NOM1: variants seen among roughly 807,000 people sequenced by gnomAD.
NOM1 encodes nucleolar MIF4G domain-containing protein 1.
NOM1 carries 58 observed loss-of-function variants against 73.3 expected under a neutral mutation model. The observed-to-expected ratio is 0.79, with a 90% CI of 0.64 to 0.99. The LOEUF (loss-of-function observed/expected upper bound fraction) is 0.99, where lower values mean the gene tolerates loss of function less well. Ranked by LOEUF, NOM1 falls within the 50% of genes least tolerant of loss-of-function variation. The pLI is 0.00. For missense variants in NOM1, 1,226 were observed against 1,131.9 expected, an observed-to-expected ratio of 1.08 and a Z score of -1.19; for synonymous variants, 487 against 446.8, an observed-to-expected ratio of 1.09 and a Z score of -1.14.
intron 7 of NOM1, among the ~76,000 whole-genome samples, chr7:156,965,146 T>C (rs900814783): frequency 1.5e-4 from 23 of 152,392 alleles, no homozygotes; most frequent in African/African-American, 5.3e-4. Flanking sequence ...TACGTGGGGC[T>C]GTGCTGTTTG....
intron 3 of NOM1, among the ~76,000 whole-genome samples, chr7:156,955,030 G>C (rs1328813929): frequency 6.6e-6 from 1 of 152,216 alleles, no homozygotes; most frequent in Non-Finnish European, 1.5e-5. Context: ...GGGAGACCTG[G>C]TGCCCTTTCT....
rs1334318300 is a variant in NOM1 at position 156,972,703 on chromosome 7, A to T, written c.*3000A>T. 2 of 152,206 alleles carry T rather than the reference A, an allele frequency of 1.3e-5. No individual in the cohort carries two copies. Among genetic ancestry groups the T allele is most frequent in the Non-Finnish European group, 2.9e-5 (2 of 68,062 alleles). The allele number at this position is 152,206 out of a possible 1,614,324, so 9.4% of individuals were successfully genotyped here. On this transcript the variant is annotated 3_prime_UTR_variant, in exon 11 of 11. Coordinates refer to ENST00000275820, the MANE Select transcript of NOM1 (RefSeq NM_138400.2). The stretch of plus-strand genomic sequence containing the variant: ...AAATTAGCTGGGCATGGTGGCAGGC[A>T]CCTGTAATCCCAGCTACTCGGGAGG...
chr7:156,950,366 G>T lies in NOM1; in HGVS notation c.629G>T (p.Ser210Ile). ...KKDGSSSVPLSFARDGLDYIL... is the reference protein window; with the variant it reads ...KKDGSSSVPLIFARDGLDYIL... The stretch of plus-strand genomic sequence containing the variant: ...GACGGCAGCAGCTCCGTGCCGCTGA[G>T]CTTTGCACGCGACGGTCTTGACTAT... The change falls in exon 1 of 11, where the codon AGC becomes ATC. Residue 210 changes from serine to isoleucine, a missense_variant. By Grantham distance (142) the Ser-to-Ile change is moderately radical (BLOSUM62 -2). Transcript: ENST00000275820. 1.2e-6 allele frequency: 2 copies of T among 1,614,248 alleles called. No individual in the cohort carries two copies. Among genetic ancestry groups the T allele is most frequent in the Non-Finnish European group, 1.7e-6 (2 of 1,180,044 alleles).
intron 9 of NOM1, among the ~76,000 whole-genome samples, chr7:156,967,909 C>CA (rs34244970): frequency 2.4e-3 from 355 of 146,400 alleles, no homozygotes; most frequent in African/African-American, 2.7e-3. Flanking sequence ...TCTGAATAGC[C>CA]AAAAAAAAAA....
chr7:156,959,258 A>G (rs1180653574), intron 3 of NOM1, among the ~76,000 whole-genome samples: 1 of 149,116 alleles, frequency 6.7e-6, no homozygotes, highest in African/African-American at 2.4e-5. Context: ...ATATGCCACC[A>G]CGCCCGGCTA....
chr7:156,952,421 C>T, intron 1 of NOM1, 53 bp from the exon 2 acceptor site: 1 of 1,569,166 alleles, frequency 6.4e-7, no homozygotes, highest in African/African-American at 1.4e-5. Context: ...AAAGAAAAAA[C>T]ACAGGATTTG....
At chr7:156,959,702 C>G (rs1367617845) in intron 3 of NOM1, 149 bp from the exon 4 acceptor site, 1 of 719,330 alleles carries the variant, frequency 1.4e-6, no homozygotes, top group East Asian at 2.7e-5. Context: ...GGCACTCTGG[C>G]CGGCTGCTCT....
At position 156,950,693 on chromosome 7, in the gene NOM1, A is replaced by G; in HGVS notation, c.956A>G (p.Asn319Ser). 1.9e-6 allele frequency: 3 copies of G among 1,551,702 alleles called. No individual in the cohort carries two copies. The South Asian group carries it at 3.6e-5, about 18-fold the overall frequency. Residue 319 changes from asparagine (N) to serine (S), a missense_variant, in exon 1 of 11, where the codon AAT (asparagine) becomes AGT (serine). Coordinates refer to ENST00000275820, the MANE Select transcript of NOM1 (RefSeq NM_138400.2). ...GCAGAAGATGAAGAAAAGAGTGAAAATTCCTCGGAGGACGGTGACATAACG... is the reference window on the plus strand; with the variant it reads ...GCAGAAGATGAAGAAAAGAGTGAAAGTTCCTCGGAGGACGGTGACATAACG... Reference protein sequence around the residue: ...RFAEDEEKSENSSEDGDITDK... With the variant: ...RFAEDEEKSESSSEDGDITDK...
At chr7:156,966,642 G>A (rs1485851032) in intron 8 of NOM1, among the ~76,000 whole-genome samples, 1 of 152,188 alleles carries the variant, frequency 6.6e-6, no homozygotes, top group African/African-American at 2.4e-5. Flanking sequence ...TGCAGGCAGT[G>A]TGGCCAGGCC....
In NOM1 at chr7:156,964,272, G is replaced by GTT. The variant is rs111604453; in HGVS notation, c.2033+256_2033+257dup. 4.7e-3 allele frequency: 963 copies of GTT among 205,748 alleles called. 15 individuals are homozygous for GTT. The highest frequency in any genetic ancestry group is 0.02 in the African/African-American group (861 of 42,048). The allele number at this position is 205,748 out of a possible 1,614,324, so 12.7% of individuals were successfully genotyped here. On this transcript the variant is annotated intron_variant, in intron 7 of 10. Transcript: ENST00000275820. ...GATATATAAAGATTGGGGGTTTGGGGTTTTTTTTTTTGAGACAGGGTCTTG... is the reference window on the plus strand; with the variant it reads ...GATATATAAAGATTGGGGGTTTGGGGTTTTTTTTTTTTTGAGACAGGGTCTTG...
chr7:156,966,968 T>A lies in NOM1; in HGVS notation c.2174T>A (p.Phe725Tyr). The change falls in exon 9 of 11, where the codon TTC becomes TAC. Residue 725 changes from phenylalanine to tyrosine, a missense_variant. Phe to Tyr is a conservative substitution (Grantham distance 22, BLOSUM62 3). Transcript: ENST00000275820. ...TTTTAACTATGATACTAGATGACTT[T>A]CCAGTTCAGCATATGGGACAAATTT... ...CEYERRFQMT[F>Y]QFSIWDKFRD... The A allele has an allele frequency of 6.2e-7, 1 of 1,612,904 alleles. No homozygotes were observed.
chr7:156,954,991 T>C (rs1320225665), intron 3 of NOM1, among the ~76,000 whole-genome samples: 1 of 152,210 alleles, frequency 6.6e-6, no homozygotes, highest in East Asian at 1.9e-4. Context: ...GTGAGAGCAC[T>C]GGGGCATGGA....
At chr7:156,963,697 C>T in intron 6 of NOM1, 1 of 491,292 alleles carries the variant, frequency 2.0e-6, no homozygotes, top group Middle Eastern at 5.4e-4. Context: ...GAGAAGCCTC[C>T]CACATGAGTG....
Position 156,951,851 on chromosome 7 carries a change from C to T in NOM1, c.988-623C>T, listed in dbSNP as rs543447808. On this transcript the variant is annotated intron_variant, in intron 1 of 10. Coordinates refer to ENST00000275820, the MANE Select transcript of NOM1 (RefSeq NM_138400.2). Reference sequence around the variant, plus strand: ...TCTCCCAAGTAGCTGGGACTACAGGCGCCCACCACCATGCCCGGCTAATTT... The same window carrying T: ...TCTCCCAAGTAGCTGGGACTACAGGTGCCCACCACCATGCCCGGCTAATTT... Among the ~76,000 whole-genome samples the T allele has an allele frequency of 7.2e-5, 11 of 152,054 alleles. No individual in the cohort carries two copies. In the South Asian group the frequency reaches 1.7e-3, roughly 23 times the overall value.
chr7:156,951,459 A>T (rs1804591373), intron 1 of NOM1, among the ~76,000 whole-genome samples: 1 of 152,164 alleles, frequency 6.6e-6, no homozygotes, highest in Non-Finnish European at 1.5e-5. Context: ...TGCATATTTT[A>T]TCTCAGCGTT....
In NOM1 at chr7:156,972,430, A is replaced by T. The variant is rs1290682073; in HGVS notation, c.*2727A>T. 6.7e-6 allele frequency: 1 copy of T among 149,716 alleles called. No homozygotes were observed. Among genetic ancestry groups the T allele is most frequent in the Admixed American group, 6.8e-5 (1 of 14,722 alleles). The allele number at this position is 149,716 out of a possible 1,614,324, so 9.3% of individuals were successfully genotyped here. A position where few individuals can be genotyped will look rare whatever the true frequency, so the allele number is the denominator to read the frequency against. On this transcript the variant is annotated 3_prime_UTR_variant, in exon 11 of 11. Transcript: ENST00000275820. The stretch of plus-strand genomic sequence containing the variant: ...AACAATCCCATTTTTATATTTTATT[A>T]TTAAAACAAAAATACCTCTCTTTGC...
chr7:156,967,077 C>G lies in NOM1; in HGVS notation c.2283C>G (p.Ser761=). The G allele has an allele frequency of 6.2e-7, 1 of 1,613,100 alleles. No individual in the cohort carries two copies. The highest frequency in any genetic ancestry group is 8.5e-7 in the Non-Finnish European group (1 of 1,179,796). ...VAHLLKTKSL[S]LSILKVVEFS... is the part of the protein sequence containing the mutation. ...ACTTGTTGAAGACAAAATCGCTTTC[C>G]CTTTCCATCTTAAAGGTTCGTGTAA... Residue 761 remains serine, a synonymous_variant, in exon 9 of 11, where the codon TCC becomes TCG. Coordinates refer to ENST00000275820, the MANE Select transcript of NOM1 (RefSeq NM_138400.2).
At chr7:156,969,508 G>C (rs1563687958) in intron 10 of NOM1, 21 bp from the exon 11 acceptor site, 1 of 1,607,678 alleles carries the variant, frequency 6.2e-7, no homozygotes. Flanking sequence ...CCTGACATGT[G>C]TTTATACGAT....
intron 7 of NOM1, 168 bp from the exon 8 acceptor site, chr7:156,966,102 T>C: frequency 1.4e-6 from 1 of 738,886 alleles, no homozygotes; most frequent in Non-Finnish European, 2.2e-6. Flanking sequence ...CCAGAGAGGT[T>C]GTGACAGGGC....
Sources: allele counts gnomAD v4.1 joint callset (sites outside exome capture counted in the v4.1 genomes callset), GRCh38; gene constraint gnomAD v4.1.1; transcripts MANE v1.5; gene names NCBI Gene and HGNC (gene_info 2026-07-23, HGNC 2026-07-21).